Variants in ZC3H4 observed in about 807,000 individuals in gnomAD.
ZC3H4 encodes the protein zinc finger CCCH domain-containing protein 4.
In ZC3H4, 13 loss-of-function variants were observed where a neutral mutation model predicts 108.3. The observed-to-expected ratio is 0.12, with a 90% CI of 0.08 to 0.19. ZC3H4 has a LOEUF of 0.19. Among genes scored for constraint, ZC3H4 ranks in the 10% least tolerant of loss-of-function variants. The pLI is 1.00. For synonymous variants in ZC3H4, 917 were observed against 749.6 expected, an observed-to-expected ratio of 1.22 and a Z score of -3.65; for missense variants, 1,734 against 1,838.8, an observed-to-expected ratio of 0.94 and a Z score of 1.04.
intron 2 of ZC3H4, among the ~76,000 whole-genome samples, chr19:47,104,453 G>A (rs1410660877): frequency 7.9e-5 from 12 of 152,122 alleles, no homozygotes. Flanking sequence ...CCCAGCACAG[G>A]GCCAGGTACA....
At chr19:47,070,630 A>T (rs1599973692) in intron 13 of ZC3H4, among the ~76,000 whole-genome samples, 3 of 152,188 alleles carry the variant, frequency 2.0e-5, no homozygotes, top group African/African-American at 7.2e-5. Flanking sequence ...CTTTCTTTCT[A>T]AAGCACCCAC....
At chr19:47,086,191 G>T (rs371063186) in intron 6 of ZC3H4, among the ~76,000 whole-genome samples, 193 bp downstream of exon 6, 1 of 152,268 alleles carries the variant, frequency 6.6e-6, no homozygotes. Flanking sequence ...TTTAAACCAC[G>T]TGAAGGTTTT....
chr19:47,068,150 A>G (rs1016577727), intron 14 of ZC3H4, among the ~76,000 whole-genome samples: 1 of 152,214 alleles, frequency 6.6e-6, no homozygotes, highest in Non-Finnish European at 1.5e-5. Context: ...AGGTAGTGAT[A>G]CTATCATGCC....
chr19:47,067,103 G>A lies in ZC3H4; in HGVS notation c.3165C>T (p.Ala1055=), dbSNP rs202197585. 3.3e-5 allele frequency: 53 copies of A among 1,611,824 alleles called. No individual in the cohort carries two copies. In the African/African-American group the frequency reaches 6.0e-4, roughly 18 times the overall value. The change falls in exon 15 of 15, where the codon GCC becomes GCT. Residue 1055 remains alanine (A), a synonymous_variant. Coordinates refer to ENST00000253048, the MANE Select transcript of ZC3H4 (RefSeq NM_015168.2). This position sits in a 1 kb window ranked among gnomAD's most constrained non-coding sequence, Gnocchi z 6.4. The part of the protein sequence containing the change: ...LLSRILKTVN[A]TGSSAAPGSS... ...AACCGGGGGCGGCCGAGGAGCCGGT[G>A]GCATTGACTGTCTTGAGGATGCGAG...
chr19:47,068,080 T>C (rs1408386197), intron 14 of ZC3H4, among the ~76,000 whole-genome samples: 2 of 152,174 alleles, frequency 1.3e-5, no homozygotes, highest in African/African-American at 2.4e-5. Context: ...CCAGCTCTCC[T>C]CAGTGGCGGC....
rs548569134 is a variant in ZC3H4 at position 47,066,533 on chromosome 19, G to A, written c.3735C>T (p.Pro1245=). 2.7e-5 allele frequency: 42 copies of A among 1,570,906 alleles called. No individual in the cohort carries two copies. The highest frequency in any genetic ancestry group is 1.8e-4 in the Middle Eastern group (1 of 5,496). The change falls in exon 15 of 15, where the codon CCC becomes CCT. Residue 1245 remains proline, a synonymous_variant. Coordinates refer to ENST00000253048, the MANE Select transcript of ZC3H4 (RefSeq NM_015168.2). ...TGGGCACGGGCAGGTTGTGCACCCC[G>A]GGCTGGGGTGGGGCACCCTCGGGGG... is the stretch of plus-strand genomic sequence containing the variant. The part of the protein sequence containing the change: ...TPPPEGAPPQ[P]GVHNLPVPTL...
intron 2 of ZC3H4, among the ~76,000 whole-genome samples, chr19:47,102,511 A>G (rs998591862): frequency 1.3e-5 from 2 of 152,222 alleles, no homozygotes; most frequent in Non-Finnish European, 1.5e-5. Flanking sequence ...CCCAGTCTCC[A>G]TAACTGTGCA....
intron 5 of ZC3H4, among the ~76,000 whole-genome samples, chr19:47,089,572 G>A (rs1286281524): frequency 6.6e-6 from 1 of 152,218 alleles, no homozygotes; most frequent in Non-Finnish European, 1.5e-5. Context: ...AGGTTCAGAG[G>A]TGTGGCAGTG....
At chr19:47,092,167 T>C (rs1449528117) in intron 4 of ZC3H4, among the ~76,000 whole-genome samples, 1 of 152,114 alleles carries the variant, frequency 6.6e-6, no homozygotes, top group Admixed American at 6.5e-5. Context: ...ATCACACCAC[T>C]GCACTCCAGC....
chr19:47,073,080 C>T (rs943479457), intron 11 of ZC3H4, among the ~76,000 whole-genome samples: 2 of 152,132 alleles, frequency 1.3e-5, no homozygotes, highest in African/African-American at 4.8e-5. Flanking sequence ...CAAGACCAGT[C>T]TGGCCAACAT....
In ZC3H4 at chr19:47,084,668, C is replaced by G. The variant is rs569551087; in HGVS notation, c.1108-213G>C. Among the ~76,000 whole-genome samples, 6 of 152,304 alleles carry G rather than the reference C, an allele frequency of 3.9e-5. No individual in the cohort carries two copies. The East Asian group carries it at 5.8e-4, about 15-fold the overall frequency. On this transcript the variant is annotated intron_variant, in intron 8 of 14. Transcript: ENST00000253048. Reference sequence around the variant, plus strand: ...CTGCCTGGTGAGGAAAAGCTCTAGCCTTTAGAGCTGTTAGCCACTTACACC... The same window carrying G: ...CTGCCTGGTGAGGAAAAGCTCTAGCGTTTAGAGCTGTTAGCCACTTACACC...
rs1272190942 is a variant in ZC3H4, at chr19:47,067,003, T to C, written c.3265A>G (p.Thr1089Ala). 5 of 1,593,260 alleles carry C rather than the reference T, an allele frequency of 3.1e-6. No individual in the cohort carries two copies. In the African/African-American group the frequency reaches 6.7e-5, roughly 21 times the overall value. Residue 1089 changes from threonine (T) to alanine (A), a missense_variant, in exon 15 of 15, where the codon ACG becomes GCG. By Grantham distance (58) the Thr-to-Ala change is moderately conservative (BLOSUM62 0). Around this residue, in one of 9 missense-constraint regions of ZC3H4, gnomAD observed 518 missense variants for 499.6 expected, o/e 1.04. Coordinates refer to ENST00000253048, the MANE Select transcript of ZC3H4 (RefSeq NM_015168.2). This position sits in a 1 kb window ranked among gnomAD's most constrained non-coding sequence, Gnocchi z 6.4. Reference sequence around the variant, plus strand: ...GGCTTGGCAGCCCGGGAGGAGGCCGTAGAGTCTGTGGGTTTCTGCAGCCGA... The same window carrying C: ...GGCTTGGCAGCCCGGGAGGAGGCCGCAGAGTCTGTGGGTTTCTGCAGCCGA... The part of the protein sequence containing the change: ...DPRLQKPTDS[T>A]ASSRAAKPGP...
At chr19:47,103,488 G>A (rs1205072868) in intron 2 of ZC3H4, among the ~76,000 whole-genome samples, 2 of 152,006 alleles carry the variant, frequency 1.3e-5, no homozygotes, top group East Asian at 3.9e-4. Flanking sequence ...ATTTTTTGTA[G>A]AGACAGGGTT....
intron 13 of ZC3H4, among the ~76,000 whole-genome samples, chr19:47,069,834 C>T (rs1481941378): frequency 2.0e-5 from 3 of 152,172 alleles, no homozygotes; most frequent in South Asian, 2.1e-4. Flanking sequence ...GAGAATGAAA[C>T]GGGTCAAGTG....
At position 47,112,451 on chromosome 19, in the gene ZC3H4, T is replaced by C; in HGVS notation, c.134A>G (p.His45Arg). 1 of 1,226,810 alleles carries C rather than the reference T, an allele frequency of 8.2e-7. No individual in the cohort carries two copies. 76.0% of individuals were successfully genotyped at this position (1,226,810 alleles called of 1,614,324 possible). A position where few individuals can be genotyped will look rare whatever the true frequency, so the allele number is the denominator to read the frequency against. ...GTCGTCAGGGAGCGGGAGGCGGTGG[T>C]GGAGGAGGTGCGGGGTGGCCGGGCG... Reference protein sequence around the residue: ...DARPATPHLLHHRLPLPDDRE... With the variant: ...DARPATPHLLRHRLPLPDDRE... Residue 45 changes from histidine (H) to arginine (R), a missense_variant, in exon 2 of 15, where the codon CAC (histidine) becomes CGC (arginine). Physicochemically the swap from His to Arg is conservative, Grantham distance 29. Coordinates refer to ENST00000253048, the MANE Select transcript of ZC3H4 (RefSeq NM_015168.2).
Position 47,073,947 on chromosome 19 carries a change from G to A in ZC3H4, c.1441-1234C>T, listed in dbSNP as rs147168669. Among the ~76,000 whole-genome samples, 57 of 152,264 alleles carry A rather than the reference G, an allele frequency of 3.7e-4. 1 individual carries two copies. In the East Asian group the frequency reaches 0.011, roughly 29 times the overall value. On this transcript the variant is annotated intron_variant, in intron 11 of 14. Coordinates refer to ENST00000253048, the MANE Select transcript of ZC3H4 (RefSeq NM_015168.2). The stretch of plus-strand genomic sequence containing the variant: ...TTAAGGGCCTCTGATCTCAACTCCT[G>A]ACCATGACCCTTAGGGCCTAAGAGC...
rs536853212 is a variant in ZC3H4, at chr19:47,081,677, C to T, written c.1331-55G>A. On this transcript the variant is annotated intron_variant, in intron 10 of 14. Transcript: ENST00000253048. ...TCTCACAGAACGCCCCCCTCCCCCA[C>T]CACAGACCCAAGGCAGAATCCAGCT... 8.2e-5 allele frequency: 119 copies of T among 1,449,164 alleles called. No homozygotes were observed. The African/African-American group carries it at 1.5e-3, about 19-fold the overall frequency. The allele number at this position is 1,449,164 out of a possible 1,614,324, so 89.8% of individuals were successfully genotyped here.
chr19:47,094,298 C>T (rs998316986), intron 3 of ZC3H4, 91 bp downstream of exon 3: 1 of 1,420,730 alleles, frequency 7.0e-7, no homozygotes, highest in South Asian at 1.2e-5. Context: ...TTAAGAGTGC[C>T]CTCTGGGGTG....
In ZC3H4 at chr19:47,065,829, C is replaced by G; in HGVS notation, c.*527G>C. 1 of 152,882 alleles carries G rather than the reference C, an allele frequency of 6.5e-6. No individual in the cohort carries two copies. Among genetic ancestry groups the G allele is most frequent in the Non-Finnish European group, 1.5e-5 (1 of 68,428 alleles). The allele number at this position is 152,882 out of a possible 1,614,324, so 9.5% of individuals were successfully genotyped here. A position where few individuals can be genotyped will look rare whatever the true frequency, so the allele number is the denominator to read the frequency against. ...CTGTCTCCTGAGTGGGTTGTTACAG[C>G]CTGCACTGAAAAGACAGTGATGGTG... is the stretch of plus-strand genomic sequence containing the variant. On this transcript the variant is annotated 3_prime_UTR_variant, in exon 15 of 15. Transcript: ENST00000253048.
Sources: allele counts gnomAD v4.1 joint callset (sites outside exome capture counted in the v4.1 genomes callset), GRCh38; gene constraint gnomAD v4.1.1; regional missense constraint gnomAD v4.1.1; non-coding constraint Gnocchi (gnomAD v3.1); transcripts MANE v1.5; gene names NCBI Gene and HGNC (gene_info 2026-07-23, HGNC 2026-07-21).